Variants in BCL6 observed in about 807,000 individuals in gnomAD.
BCL6 encodes B-cell lymphoma 6 protein.
Under a neutral mutation model 59.5 loss-of-function variants are expected in BCL6, and 7 were observed. The ratio of observed to expected loss-of-function variants is 0.12; its 90% CI spans 0.07 to 0.22. The LOEUF (loss-of-function observed/expected upper bound fraction) is 0.22, where lower values mean the gene tolerates loss of function less well. Among genes scored for constraint, BCL6 ranks in the 10% least tolerant of loss-of-function variants. BCL6 has a pLI of 1.00. For missense variants in BCL6, 685 were observed against 939.4 expected, an observed-to-expected ratio of 0.73 and a Z score of 3.54; for synonymous variants, 339 against 349.7, an observed-to-expected ratio of 0.97 and a Z score of 0.34.
At chr3:187,743,339 G>A (rs1711685894) in intron 1 of BCL6, among the ~76,000 whole-genome samples, 2 of 151,752 alleles carry the variant, frequency 1.3e-5, no homozygotes, top group Admixed American at 6.6e-5. Context: ...GGGTGGCGGG[G>A]GCCGGCGGGG....
chr3:187,722,709 C>T, intron 9 of BCL6, 108 bp from the exon 10 acceptor site: 1 of 1,435,574 alleles, frequency 7.0e-7, no homozygotes, highest in South Asian at 1.4e-5. Context: ...TGGGGCAGCT[C>T]TTGCCTCTCC....
chr3:187,744,551 C>A (rs183447887), intron 1 of BCL6, among the ~76,000 whole-genome samples: 1 of 152,268 alleles, frequency 6.6e-6, no homozygotes, highest in South Asian at 2.1e-4. Flanking sequence ...AGACACGATA[C>A]TTCATCTCAT....
At chr3:187,728,980 AAAG>A (rs1718871742) in intron 5 of BCL6, 67 bp downstream of exon 5, 1 of 1,499,072 alleles carries the variant, frequency 6.7e-7, no homozygotes, top group East Asian at 2.3e-5. Context: ...TCAGGCAAGA[AAAG>A]AAGAAACGAC....
Position 187,722,338 on chromosome 3 carries a change from G to T in BCL6, c.*120C>A. 5.7e-6 allele frequency: 2 copies of T among 348,318 alleles called. No homozygotes were observed. The highest frequency in any genetic ancestry group is 4.0e-6 in the Non-Finnish European group (1 of 251,438). The allele number at this position is 348,318 out of a possible 1,614,324, so 21.6% of individuals were successfully genotyped here. The stretch of plus-strand genomic sequence containing the variant: ...CCCACCACCCCCAACCCCCAGCTAT[G>T]ATTTGCACTAGTGGATGAAAGAGGC... On this transcript the variant is annotated 3_prime_UTR_variant, in exon 10 of 10. Coordinates refer to ENST00000406870, the MANE Select transcript of BCL6 (RefSeq NM_001706.5).
At chr3:187,744,971 A>G (rs544204416) in intron 1 of BCL6, among the ~76,000 whole-genome samples, 4 of 151,906 alleles carry the variant, frequency 2.6e-5, no homozygotes, top group East Asian at 2.0e-4. Flanking sequence ...ACTAGCCCGA[A>G]TCACCCCCCA....
At chr3:187,745,205 A>T in intron 1 of BCL6, among the ~76,000 whole-genome samples, 2 of 152,276 alleles carry the variant, frequency 1.3e-5, no homozygotes, top group Middle Eastern at 3.4e-3. Flanking sequence ...TTAACACCTG[A>T]CAGCTAGAAT....
chr3:187,721,591 G>T lies in BCL6; in HGVS notation c.*867C>A, dbSNP rs1579798778. ...TACACTTCAAAAAGGGATGGTGCACGCTCGCCCATCATTGAAAACTTCCGT... is the reference window on the plus strand; with the variant it reads ...TACACTTCAAAAAGGGATGGTGCACTCTCGCCCATCATTGAAAACTTCCGT... On this transcript the variant is annotated 3_prime_UTR_variant, in exon 10 of 10. Transcript: ENST00000406870. The surrounding 1 kb of genome is among the most constrained non-coding windows in gnomAD (Gnocchi z 4.2). 4.3e-6 allele frequency: 1 copy of T among 233,074 alleles called. No individual in the cohort carries two copies. The highest frequency in any genetic ancestry group is 8.5e-6 in the Non-Finnish European group (1 of 117,698). The allele number at this position is 233,074 out of a possible 1,614,324, so 14.4% of individuals were successfully genotyped here. A position where few individuals can be genotyped will look rare whatever the true frequency, so the allele number is the denominator to read the frequency against.
At chr3:187,741,924 T>A (rs1360422119) in intron 1 of BCL6, among the ~76,000 whole-genome samples, 2 of 151,874 alleles carry the variant, frequency 1.3e-5, no homozygotes, top group Non-Finnish European at 2.9e-5. Flanking sequence ...AAGGCCGGGC[T>A]ACCTCCGCCT....
Position 187,725,471 on chromosome 3 carries a change from G to A in BCL6, c.1839+28C>T, listed in dbSNP as rs1308092010. On this transcript the variant is annotated intron_variant, in intron 8 of 9. Coordinates refer to ENST00000406870, the MANE Select transcript of BCL6 (RefSeq NM_001706.5). This position sits in a 1 kb window ranked among gnomAD's most constrained non-coding sequence, Gnocchi z 4.7. ...GCCTGCCCGCTCCGCTCGCCTGCCCGCTCCGCTCGCCTGCCCACTCTGCTC... is the reference window on the plus strand; with the variant it reads ...GCCTGCCCGCTCCGCTCGCCTGCCCACTCCGCTCGCCTGCCCACTCTGCTC... 5.1e-5 allele frequency: 63 copies of A among 1,234,290 alleles called. No individual in the cohort carries two copies. Among genetic ancestry groups the A allele is most frequent in the South Asian group, 3.9e-4 (23 of 59,314 alleles). 76.5% of individuals were successfully genotyped at this position (1,234,290 alleles called of 1,614,324 possible).
In BCL6 at chr3:187,728,489, G is replaced by C; in HGVS notation, c.1411C>G (p.His471Asp). 1.2e-6 allele frequency: 2 copies of C among 1,611,646 alleles called. No homozygotes were observed. The highest frequency in any genetic ancestry group is 4.5e-5 in the East Asian group (2 of 44,808). The change falls in exon 6 of 10, where the codon CAC becomes GAC. Residue 471 changes from histidine to aspartate, a missense_variant. Around this residue, in one of 7 missense-constraint regions of BCL6, gnomAD observed 207 missense variants for 213.7 expected, o/e 0.97. Coordinates refer to ENST00000406870, the MANE Select transcript of BCL6 (RefSeq NM_001706.5). Reference protein sequence around the residue: ...SSESHSPLYMHPPKCTSCGSQ... With the variant: ...SSESHSPLYMDPPKCTSCGSQ... The stretch of plus-strand genomic sequence containing the variant: ...CCGCAGGACGTGCACTTCGGGGGGT[G>C]CATGTAGAGTGGTGAGTGGCTCTCG...
intron 1 of BCL6, among the ~76,000 whole-genome samples, chr3:187,743,438 A>C (rs1400892361): frequency 6.6e-6 from 1 of 152,114 alleles, no homozygotes; most frequent in South Asian, 2.1e-4. Flanking sequence ...GGGGTCATTT[A>C]TCTGCTCAAC....
At chr3:187,745,225 T>A (rs554504375) in intron 1 of BCL6, among the ~76,000 whole-genome samples, 185 bp downstream of exon 1, 3 of 152,172 alleles carry the variant, frequency 2.0e-5, no homozygotes, top group East Asian at 3.9e-4. Context: ...TAAATAAATA[T>A]ATACATTTAT....
intron 5 of BCL6, among the ~76,000 whole-genome samples, 160 bp from the exon 6 acceptor site, chr3:187,728,704 C>T (rs762271598): frequency 2.6e-4 from 39 of 152,188 alleles, no homozygotes; most frequent in African/African-American, 7.2e-4. Context: ...ACAGTATCTG[C>T]AGAAAGATCA....
chr3:187,745,048 T>C (rs545738314), intron 1 of BCL6, among the ~76,000 whole-genome samples: 4 of 150,954 alleles, frequency 2.6e-5, no homozygotes, highest in Admixed American at 1.3e-4. Context: ...TCCACCTCCT[T>C]TCCAAAAACC....
chr3:187,744,513 G>A (rs1223258241), intron 1 of BCL6, among the ~76,000 whole-genome samples: 2 of 152,282 alleles, frequency 1.3e-5, no homozygotes, highest in African/African-American at 4.8e-5. Flanking sequence ...CTCTCATTAG[G>A]AAGATCACGG....
chr3:187,733,451 G>A, intron 3 of BCL6, 82 bp downstream of exon 3: 2 of 1,502,356 alleles, frequency 1.3e-6, no homozygotes, highest in Non-Finnish European at 1.8e-6. Flanking sequence ...TGCAGTAAAA[G>A]GCCCACATGT....
intron 1 of BCL6, among the ~76,000 whole-genome samples, chr3:187,738,920 G>C (rs1719413852): frequency 6.6e-6 from 1 of 152,200 alleles, no homozygotes; most frequent in South Asian, 2.1e-4. Context: ...AATGAAGTAA[G>C]TGCATTTATT....
rs114017848 is a variant in BCL6 at position 187,724,873 on chromosome 3, C to A, written c.1977+68G>T. ...CCTCCCTGCTCCACCTCCTTCCCTG[C>A]GCTCCACCTCCTTCCCTGCCCTCCA... is the stretch of plus-strand genomic sequence containing the variant. On this transcript the variant is annotated intron_variant, in intron 9 of 9. Coordinates refer to ENST00000406870, the MANE Select transcript of BCL6 (RefSeq NM_001706.5). The A allele has an allele frequency of 1.8e-5, 28 of 1,597,770 alleles. No homozygotes were observed. The African/African-American group carries it at 3.5e-4, about 20-fold the overall frequency.
intron 1 of BCL6, among the ~76,000 whole-genome samples, chr3:187,744,638 G>T (rs1711802143): frequency 6.6e-6 from 1 of 151,930 alleles, no homozygotes; most frequent in African/African-American, 2.4e-5. Context: ...ATCTCGGTTC[G>T]GCTCGAAGGC....
Sources: gnomAD v4.1 joint callset for allele counts (sites outside exome capture counted in the v4.1 genomes callset) on GRCh38, gnomAD v4.1.1 for gene constraint, gnomAD v4.1.1 regional missense constraint, Gnocchi (gnomAD v3.1) non-coding constraint, MANE v1.5 for transcripts, NCBI Gene and HGNC (gene_info 2026-07-23, HGNC 2026-07-21) for gene names.